The following FAT3 variants were observed in gnomAD, a reference collection of about 807,000 sequenced individuals.
FAT3 encodes the protein FAT atypical cadherin 3.
A neutral mutation model predicts 310.2 loss-of-function variants in FAT3; 95 were observed. That is an observed-to-expected ratio of 0.31 (90% CI 0.26 to 0.36). FAT3 has a LOEUF of 0.36. Among genes scored for constraint, FAT3 ranks in the 10% least tolerant of loss-of-function variants. The pLI is 1.00. For missense variants in FAT3, 5,408 were observed against 5,715.6 expected (o/e 0.95, Z 1.74); for synonymous variants, 2,314 against 2,192.9 (o/e 1.06, Z -1.54).
intron 3 of FAT3, among the ~76,000 whole-genome samples, chr11:92,592,467 G>A (rs746007246): frequency 3.3e-5 from 5 of 151,688 alleles, no homozygotes; most frequent in South Asian, 2.1e-4. Flanking sequence ...GATTACAAGC[G>A]CGTGCCACCA....
At chr11:92,303,625 A>T (rs918104829) in intron 1 of FAT3, among the ~76,000 whole-genome samples, 1 of 152,178 alleles carries the variant, frequency 6.6e-6, no homozygotes, top group Non-Finnish European at 1.5e-5. Context: ...GATTCTGGCC[A>T]TAAAAATGAA....
At chr11:92,500,807 G>A (rs1466272965) in intron 2 of FAT3, among the ~76,000 whole-genome samples, 1 of 152,000 alleles carries the variant, frequency 6.6e-6, no homozygotes, top group East Asian at 1.9e-4. Context: ...GCCTAGGGCT[G>A]CTGTGTAAAG....
chr11:92,716,468 G>T (rs1257219793), intron 4 of FAT3, among the ~76,000 whole-genome samples: 2 of 151,822 alleles, frequency 1.3e-5, no homozygotes, highest in Admixed American at 6.6e-5. Context: ...AAAAAAAAAG[G>T]CTTCCATAAG....
At chr11:92,793,440 C>G (rs1947087810) in intron 9 of FAT3, among the ~76,000 whole-genome samples, 4 of 152,112 alleles carry the variant, frequency 2.6e-5, no homozygotes, top group Admixed American at 2.0e-4. Flanking sequence ...AGCACAAATT[C>G]ACATCATTGG....
Position 92,671,984 on chromosome 11 carries a change from T to C in FAT3, c.3608-25400T>C, listed in dbSNP as rs1943143302. Among the ~76,000 whole-genome samples the C allele has an allele frequency of 2.6e-5, 4 of 152,060 alleles. No individual in the cohort carries two copies. The South Asian group carries it at 8.3e-4, about 32-fold the overall frequency. On this transcript the variant is annotated intron_variant, in intron 3 of 27. Coordinates refer to ENST00000525166, the MANE Select transcript of FAT3 (RefSeq NM_001367949.2). ...AATAATAATATTTACCTGGGCGTGG[T>C]GGTGGGTGCCTGTAATCCCAGCTAT...
intron 6 of FAT3, among the ~76,000 whole-genome samples, chr11:92,771,762 TAAA>T (rs5793624): frequency 7.1e-6 from 1 of 140,586 alleles, no homozygotes. Context: ...GAGAGAACTG[TAAA>T]AAAAAAAAAA....
At chr11:92,311,761 A>C (rs200180685) in intron 1 of FAT3, among the ~76,000 whole-genome samples, 3 of 152,180 alleles carry the variant, frequency 2.0e-5, no homozygotes, top group Admixed American at 6.5e-5. Flanking sequence ...AGTAGGGCCC[A>C]GATTTAAAGC....
chr11:92,405,850 T>G (rs1480715180), intron 2 of FAT3, among the ~76,000 whole-genome samples: 1 of 152,238 alleles, frequency 6.6e-6, no homozygotes, highest in Non-Finnish European at 1.5e-5. Flanking sequence ...GGAATGAGAA[T>G]GGCTAGAAAT....
intron 1 of FAT3, among the ~76,000 whole-genome samples, chr11:92,251,527 A>G (rs572710910): frequency 4.6e-5 from 7 of 152,308 alleles, no homozygotes; most frequent in African/African-American, 1.4e-4. Flanking sequence ...TTCTACAACC[A>G]GTTAGTTTTC....
chr11:92,885,316 A>T (rs1206520651), intron 24 of FAT3, among the ~76,000 whole-genome samples: 1 of 152,162 alleles, frequency 6.6e-6, no homozygotes, highest in African/African-American at 2.4e-5. Flanking sequence ...TCCACGGAGG[A>T]AAAAACTCCC....
chr11:92,522,756 T>A (rs1953728787), intron 2 of FAT3, among the ~76,000 whole-genome samples: 1 of 152,174 alleles, frequency 6.6e-6, no homozygotes, highest in African/African-American at 2.4e-5. Flanking sequence ...AGTTCATCTT[T>A]TGATGTAAAG....
At chr11:92,527,313 G>T (rs971285099) in intron 3 of FAT3, among the ~76,000 whole-genome samples, 28 of 152,262 alleles carry the variant, frequency 1.8e-4, no homozygotes, top group Non-Finnish European at 3.7e-4. Context: ...GTAGTTTTTA[G>T]TGAGTAAAAA....
chr11:92,330,827 G>A (rs1279670954), intron 1 of FAT3, among the ~76,000 whole-genome samples: 1 of 152,054 alleles, frequency 6.6e-6, no homozygotes, highest in Non-Finnish European at 1.5e-5. Context: ...GGAAGGAAAG[G>A]CTTTAAATAT....
intron 3 of FAT3, chr11:92,559,320 A>G (rs573398316): frequency 3.8e-4 from 74 of 194,868 alleles, no homozygotes; most frequent in African/African-American, 1.6e-3. Flanking sequence ...AGCCCCAAGC[A>G]ACAACTAACC....
chr11:92,631,805 G>A (rs1285029550), intron 3 of FAT3, among the ~76,000 whole-genome samples: 2 of 152,024 alleles, frequency 1.3e-5, no homozygotes, highest in Admixed American at 6.6e-5. Flanking sequence ...AGCAGAAAGT[G>A]GAGCTCAGAG....
At chr11:92,736,807 C>G (rs2040733099) in intron 4 of FAT3, among the ~76,000 whole-genome samples, 1 of 152,118 alleles carries the variant, frequency 6.6e-6, no homozygotes, top group Non-Finnish European at 1.5e-5. Context: ...TAAAAGATCT[C>G]TCAGGTACAA....
At chr11:92,231,949 T>G (rs925848513) in intron 1 of FAT3, among the ~76,000 whole-genome samples, 9 of 152,210 alleles carry the variant, frequency 5.9e-5, no homozygotes, top group South Asian at 4.1e-4. Context: ...TTGTTGATTT[T>G]TTAAGTCTAT....
chr11:92,516,290 A>G (rs1273016667), intron 2 of FAT3, among the ~76,000 whole-genome samples: 1 of 152,204 alleles, frequency 6.6e-6, no homozygotes, highest in African/African-American at 2.4e-5. Flanking sequence ...TGTATCCACC[A>G]TGATCAAGTC....
chr11:92,271,233 T>A (rs903391050), intron 1 of FAT3, among the ~76,000 whole-genome samples: 2 of 152,086 alleles, frequency 1.3e-5, no homozygotes, highest in African/African-American at 4.8e-5. Context: ...GCCTCAAGAT[T>A]CCATGCCTGC....
Sources: gnomAD v4.1 joint callset for allele counts (sites outside exome capture counted in the v4.1 genomes callset) on GRCh38, gnomAD v4.1.1 for gene constraint, MANE v1.5 for transcripts, NCBI Gene and HGNC (gene_info 2026-07-23, HGNC 2026-07-21) for gene names.